The following ACVR1B variants were observed in gnomAD, a reference collection of about 807,000 sequenced individuals.
The protein encoded by ACVR1B is activin A receptor type 1B, also known as activin receptor type-1B.
A neutral mutation model predicts 55.6 loss-of-function variants in ACVR1B; 15 were observed. The observed-to-expected ratio is 0.27, with a 90% CI of 0.18 to 0.42. The LOEUF (loss-of-function observed/expected upper bound fraction) is 0.42, where lower values mean the gene tolerates loss of function less well. Among genes scored for constraint, ACVR1B ranks in the 10% least tolerant of loss-of-function variants. ACVR1B has a pLI of 1.00. For missense variants in ACVR1B, 359 were observed against 670.1 expected (o/e 0.54, Z 5.13); for synonymous variants, 247 against 254.6 (o/e 0.97, Z 0.28).
At chr12:51,990,857 A>G (rs1942177297) in intron 7 of ACVR1B, among the ~76,000 whole-genome samples, 1 of 152,136 alleles carries the variant, frequency 6.6e-6, no homozygotes, top group African/African-American at 2.4e-5. Context: ...TTGCTTAGGT[A>G]GAGTTCACAT....
chr12:51,993,243 TAG>T (rs1169538460), intron 8 of ACVR1B, among the ~76,000 whole-genome samples: 3 of 152,178 alleles, frequency 2.0e-5, no homozygotes, highest in South Asian at 2.1e-4. Context: ...CCTAGTCAAG[TAG>T]AGAGGTTGGC....
intron 5 of ACVR1B, 151 bp downstream of exon 5, chr12:51,984,317 T>C: frequency 1.1e-6 from 1 of 922,106 alleles, no homozygotes; most frequent in Non-Finnish European, 1.6e-6. Flanking sequence ...GGTTTGAGCT[T>C]CACTTAAGTG....
rs142337017 is a variant in ACVR1B, at chr12:51,963,559, C to G, written c.92-11706C>G. 9.8e-4 allele frequency among the ~76,000 whole-genome samples: 150 copies of G among 152,328 alleles called. 2 individuals are homozygous for G. In the East Asian group the frequency reaches 0.026, roughly 27 times the overall value. On this transcript the variant is annotated intron_variant, in intron 1 of 8. Transcript: ENST00000257963. The stretch of plus-strand genomic sequence containing the variant: ...GGCCGACATTTCATATACATAGAAT[C>G]TTAATGTGTGGCTTCTTTCATGTAA...
intron 1 of ACVR1B, among the ~76,000 whole-genome samples, chr12:51,972,685 G>T (rs900981681): frequency 6.6e-6 from 1 of 152,190 alleles, no homozygotes; most frequent in African/African-American, 2.4e-5. Flanking sequence ...GACCTGTCCT[G>T]CTATGATCCC....
intron 3 of ACVR1B, among the ~76,000 whole-genome samples, chr12:51,980,419 A>G (rs1364134874): frequency 6.6e-6 from 1 of 152,226 alleles, no homozygotes; most frequent in Non-Finnish European, 1.5e-5. Flanking sequence ...TAGACTAAAC[A>G]TAGATGGTCC....
intron 1 of ACVR1B, among the ~76,000 whole-genome samples, chr12:51,973,367 A>G (rs1257972579): frequency 6.6e-6 from 1 of 152,206 alleles, no homozygotes; most frequent in African/African-American, 2.4e-5. Flanking sequence ...AAATATTGAG[A>G]GGTATGCTTT....
intron 1 of ACVR1B, chr12:51,953,486 G>A (rs1467263104): frequency 1.0e-6 from 1 of 985,006 alleles, no homozygotes; most frequent in Non-Finnish European, 1.2e-6. Context: ...TATGAACAGA[G>A]CTTGACATTT....
chr12:51,992,563 A>G (rs1318165888), intron 8 of ACVR1B, among the ~76,000 whole-genome samples: 2 of 152,230 alleles, frequency 1.3e-5, no homozygotes, highest in Non-Finnish European at 2.9e-5. Context: ...TCAACAAGTG[A>G]CAACTGAACC....
chr12:51,952,294 AG>A (rs373348095), intron 1 of ACVR1B, among the ~76,000 whole-genome samples: 292 of 152,122 alleles, frequency 1.9e-3, no homozygotes, highest in Non-Finnish European at 3.6e-3. Flanking sequence ...AGCCTCTCCG[AG>A]GGAACCTGAT....
intron 1 of ACVR1B, among the ~76,000 whole-genome samples, chr12:51,958,548 T>C (rs1205787883): frequency 6.6e-6 from 1 of 150,650 alleles, no homozygotes; most frequent in African/African-American, 2.5e-5. Context: ...CTCAGGAGGC[T>C]GAGGCAGGAG....
chr12:51,989,367 C>T (rs1022228413), intron 7 of ACVR1B, among the ~76,000 whole-genome samples: 1 of 152,052 alleles, frequency 6.6e-6, no homozygotes, highest in African/African-American at 2.4e-5. Flanking sequence ...TCACTGCAAC[C>T]TCCGCCTCCT....
At chr12:51,959,126 T>C (rs1941466942) in intron 1 of ACVR1B, among the ~76,000 whole-genome samples, 1 of 152,232 alleles carries the variant, frequency 6.6e-6, no homozygotes, top group African/African-American at 2.4e-5. Flanking sequence ...AGATTCCCCA[T>C]GTTTGGTGTA....
intron 2 of ACVR1B, 83 bp from the exon 3 acceptor site, chr12:51,976,244 C>G: frequency 6.6e-7 from 1 of 1,526,232 alleles, no homozygotes; most frequent in Non-Finnish European, 9.0e-7. Flanking sequence ...GTCTTTTTCA[C>G]TCTTCACTTT....
chr12:51,964,449 C>G (rs1003019787), intron 1 of ACVR1B, among the ~76,000 whole-genome samples: 1 of 152,166 alleles, frequency 6.6e-6, no homozygotes, highest in African/African-American at 2.4e-5. Context: ...CCCTTTGATA[C>G]ACAAAGGTTT....
chr12:51,989,898 T>C (rs1470973595), intron 7 of ACVR1B, among the ~76,000 whole-genome samples: 4 of 151,952 alleles, frequency 2.6e-5, no homozygotes, highest in South Asian at 4.2e-4. Flanking sequence ...GGAAGGAGAA[T>C]CACGTGAACC....
chr12:51,986,342 T>C (rs1462946918), intron 6 of ACVR1B, among the ~76,000 whole-genome samples: 1 of 152,218 alleles, frequency 6.6e-6, no homozygotes, highest in African/African-American at 2.4e-5. Context: ...CACTGCAGCC[T>C]CCGCCTCCCG....
chr12:51,972,991 TC>T (rs886972487), intron 1 of ACVR1B, among the ~76,000 whole-genome samples: 3 of 152,164 alleles, frequency 2.0e-5, no homozygotes, highest in African/African-American at 7.2e-5. Context: ...AGCCCCCAGT[TC>T]CGTTCTTCGT....
chr12:51,988,773 C>G (rs1942129890), intron 7 of ACVR1B, among the ~76,000 whole-genome samples: 1 of 152,130 alleles, frequency 6.6e-6, no homozygotes, highest in Admixed American at 6.6e-5. Context: ...GAGGCCAGGG[C>G]TTAAGCCTGT....
chr12:51,965,796 G>A (rs1014657124), intron 1 of ACVR1B, among the ~76,000 whole-genome samples: 2 of 152,222 alleles, frequency 1.3e-5, no homozygotes. Flanking sequence ...GAGGAATGTA[G>A]CAGTTTTGGT....
Sources: allele counts gnomAD v4.1 joint callset (sites outside exome capture counted in the v4.1 genomes callset), GRCh38; gene constraint gnomAD v4.1.1; transcripts MANE v1.5; gene names NCBI Gene and HGNC (gene_info 2026-07-23, HGNC 2026-07-21).